The following BRI3 variants were observed in gnomAD, a reference collection of about 807,000 sequenced individuals.
The protein encoded by BRI3 is membrane protein BRI3.
BRI3 carries 6 observed loss-of-function variants against 12.8 expected under a neutral mutation model. The ratio of observed to expected loss-of-function variants is 0.47; its 90% confidence interval spans 0.26 to 0.93. The LOEUF (loss-of-function observed/expected upper bound fraction) is 0.93, where lower values mean the gene tolerates loss of function less well. Ranked by LOEUF, BRI3 falls within the 40% of genes least tolerant of loss-of-function variation. BRI3 has a pLI of 0.15. For synonymous variants in BRI3, 91 were observed against 76.1 expected (o/e 1.20, Z -1.02); for missense variants, 134 against 171.1 (o/e 0.78, Z 1.21).
At chr7:98,282,531 C>T in intron 2 of BRI3, 78 bp downstream of exon 2, 1 of 1,232,558 alleles carries the variant, frequency 8.1e-7, no homozygotes, top group Non-Finnish European at 1.2e-6. Flanking sequence ...CCTCACAGCT[C>T]TGCTTGTGGG....
At chr7:98,293,266 G>A (rs1800045404), downstream of BRI3, 3 of 393,304 alleles carry the variant, frequency 7.6e-6, no homozygotes, top group South Asian at 1.3e-4. Flanking sequence ...CAAGTTTACT[G>A]TTTCTTGAAC....
chr7:98,294,008 T>C, downstream of BRI3: 1 of 1,564,840 alleles, frequency 6.4e-7, no homozygotes, highest in Non-Finnish European at 8.8e-7. Context: ...CCGAAGGCCC[T>C]TCCGGGGGAC....
At chr7:98,293,239 A>G (rs750620857), downstream of BRI3, 2 of 357,708 alleles carry the variant, frequency 5.6e-6, no homozygotes, top group Non-Finnish European at 1.0e-5. Context: ...TTTAAAAAAT[A>G]CAGTAAAGAT....
chr7:98,315,686 G>A, the BRI3 span: 83 of 721,190 alleles, frequency 1.2e-4, no homozygotes, highest in Non-Finnish European at 1.5e-4. Context: ...GCAGCCTGAC[G>A]TTTATCTTCT....
At chr7:98,292,737 T>C, downstream of BRI3, 1 of 1,551,326 alleles carries the variant, frequency 6.4e-7, no homozygotes, top group Non-Finnish European at 8.7e-7. Flanking sequence ...AGTGTACTGG[T>C]AATGGATGCA....
At chr7:98,323,414 T>C in the BRI3 span, 4 of 152,172 alleles carry the variant, frequency 2.6e-5, no homozygotes, top group African/African-American at 7.2e-5. Context: ...CATAAATAAA[T>C]AAACATCTAA....
downstream of BRI3, chr7:98,292,860 A>G (rs557049381): frequency 8.9e-6 from 13 of 1,452,602 alleles, no homozygotes; most frequent in Admixed American, 5.4e-5. Flanking sequence ...AACTACCAAG[A>G]AAAGGAGCTC....
In BRI3 at chr7:98,281,806, A is replaced by G. The variant is rs1799524535; in HGVS notation, c.11A>G (p.Lys4Arg). 3.3e-6 allele frequency: 4 copies of G among 1,224,274 alleles called. No individual in the cohort carries two copies. The African/African-American group carries it at 4.8e-5, about 15-fold the overall frequency. The allele number at this position is 1,224,274 out of a possible 1,614,324, so 75.8% of individuals were successfully genotyped here. A position where few individuals can be genotyped will look rare whatever the true frequency, so the allele number is the denominator to read the frequency against. The change falls in exon 1 of 3, where the codon AAG (lysine) becomes AGG (arginine). Residue 4 changes from lysine (K) to arginine (R), a missense_variant. Lys to Arg is a conservative substitution (Grantham distance 26). Coordinates refer to ENST00000297290, the MANE Select transcript of BRI3 (RefSeq NM_015379.5). ...CGCGGCCGGGCCGCCATGGACCACAAGCCGCTGCTGCAGGAGCGGCCGCCC... is the reference window on the plus strand; with the variant it reads ...CGCGGCCGGGCCGCCATGGACCACAGGCCGCTGCTGCAGGAGCGGCCGCCC... MDH[K>R]PLLQERPPAY...
the BRI3 span, among the ~76,000 whole-genome samples, chr7:98,321,363 G>A: frequency 9.2e-5 from 14 of 151,974 alleles, no homozygotes; most frequent in Non-Finnish European, 1.8e-4. Context: ...TTTTTCTCAC[G>A]TTAGTTCTTA....
chr7:98,312,383 C>A (rs1800906154), downstream of BRI3: 1 of 1,147,590 alleles, frequency 8.7e-7, no homozygotes, highest in South Asian at 1.6e-5. Flanking sequence ...AGTGTGGGGG[C>A]CCTGGGTTAA....
At chr7:98,288,986 G>T (rs1382002953) in intron 2 of BRI3, among the ~76,000 whole-genome samples, 3 of 151,978 alleles carry the variant, frequency 2.0e-5, no homozygotes, top group Admixed American at 2.0e-4. Flanking sequence ...TTGAGACGGA[G>T]TTTTGCTCTT....
downstream of BRI3, chr7:98,293,558 G>A (rs1297348423): frequency 1.2e-6 from 2 of 1,613,962 alleles, no homozygotes. Flanking sequence ...ATTCGTCACA[G>A]TCGGGCGGAG....
At chr7:98,304,268 G>GT, upstream of BRI3, 1 of 1,613,668 alleles carries the variant, frequency 6.2e-7, no homozygotes. Context: ...CTGCTCTCCT[G>GT]TCGGCAGCTG....
downstream of BRI3, among the ~76,000 whole-genome samples, chr7:98,311,309 C>T (rs561291713): frequency 6.6e-6 from 1 of 151,924 alleles, no homozygotes; most frequent in Admixed American, 6.6e-5. Flanking sequence ...TTTGGGAGGC[C>T]GAGGTGGGCG....
At chr7:98,292,784 C>G (rs780882495), downstream of BRI3, 4 of 1,545,052 alleles carry the variant, frequency 2.6e-6, no homozygotes, top group Non-Finnish European at 3.5e-6. Context: ...CACAAGGAGC[C>G]GTGACTCCGA....
downstream of BRI3, chr7:98,312,272 G>C: frequency 1.9e-6 from 3 of 1,595,520 alleles, no homozygotes; most frequent in South Asian, 1.1e-5. Flanking sequence ...AGACTGCAAA[G>C]CCAAAAGAAG....
chr7:98,281,722 C>T lies in BRI3; in HGVS notation c.-74C>T. 2.4e-6 allele frequency: 2 copies of T among 819,878 alleles called. No homozygotes were observed. Among genetic ancestry groups the T allele is most frequent in the Non-Finnish European group, 2.9e-6 (2 of 684,792 alleles). The allele number at this position is 819,878 out of a possible 1,614,324, so 50.8% of individuals were successfully genotyped here. ...AGCCACCCGGTCCGCCGCGTCCCCG[C>T]CGCCGCCGCCGCGTCCCCCGCCGGG... On this transcript the variant is annotated 5_prime_UTR_variant, in exon 1 of 3. Transcript: ENST00000297290.
At chr7:98,297,294 C>T (rs2116797475), downstream of BRI3, among the ~76,000 whole-genome samples, 1 of 152,368 alleles carries the variant, frequency 6.6e-6, no homozygotes, top group East Asian at 1.9e-4. Flanking sequence ...CTGTACGGAG[C>T]TTCCAGGGTG....
chr7:98,292,845 C>T, downstream of BRI3: 1 of 1,458,988 alleles, frequency 6.9e-7, no homozygotes, highest in Non-Finnish European at 9.1e-7. Flanking sequence ...CCGTTGGCGA[C>T]TCCTAACTAC....
Sources: allele counts gnomAD v4.1 joint callset (sites outside exome capture counted in the v4.1 genomes callset), GRCh38; gene constraint gnomAD v4.1.1; transcripts MANE v1.5; gene names NCBI Gene and HGNC (gene_info 2026-07-23, HGNC 2026-07-21).